The following NRXN3 variants were observed in gnomAD, a reference collection of about 807,000 sequenced individuals.
NRXN3 encodes the protein neurexin 3.
A neutral mutation model predicts 137.6 loss-of-function variants in NRXN3; 32 were observed. The ratio of observed to expected loss-of-function variants is 0.23; its 90% CI spans 0.18 to 0.31. The LOEUF is 0.31. NRXN3 is among the 10% of genes least tolerant of loss of function. The pLI is 1.00. For missense variants in NRXN3, 1,574 were observed against 2,062.5 expected (o/e 0.76, Z 4.59); for synonymous variants, 798 against 784.5 (o/e 1.02, Z -0.29).
At chr14:79,630,169 G>C (rs2098330264) in intron 16 of NRXN3, among the ~76,000 whole-genome samples, 1 of 152,178 alleles carries the variant, frequency 6.6e-6, no homozygotes, top group Non-Finnish European at 1.5e-5. Flanking sequence ...CACTGGAATA[G>C]CAATTTGACA....
At chr14:79,713,294 A>AAGTT (rs1466467303) in intron 19 of NRXN3, among the ~76,000 whole-genome samples, 2 of 148,880 alleles carry the variant, frequency 1.3e-5, no homozygotes, top group Admixed American at 1.3e-4. Flanking sequence ...TGCTTTTGTA[A>AAGTT]AGTTGTGGTT....
intron 15 of NRXN3, among the ~76,000 whole-genome samples, chr14:79,270,468 C>T (rs762784352): frequency 6.6e-5 from 10 of 151,858 alleles, no homozygotes; most frequent in African/African-American, 1.7e-4. Context: ...AAAGAGTTTT[C>T]GGAGGCTAGG....
intron 16 of NRXN3, among the ~76,000 whole-genome samples, chr14:79,598,388 G>A (rs913499560): frequency 6.6e-5 from 10 of 152,170 alleles, no homozygotes; most frequent in African/African-American, 2.4e-4. Context: ...CCTGACAGAA[G>A]ATAACCTGTT....
At chr14:79,072,848 G>A (rs1386707133) in intron 15 of NRXN3, among the ~76,000 whole-genome samples, 1 of 147,546 alleles carries the variant, frequency 6.8e-6, no homozygotes, top group Non-Finnish European at 1.5e-5. Flanking sequence ...TCCCTCCCTT[G>A]TTTTTCCATG....
At chr14:78,225,816 A>G (rs1043562398) in intron 1 of NRXN3, among the ~76,000 whole-genome samples, 4 of 152,090 alleles carry the variant, frequency 2.6e-5, no homozygotes, top group Non-Finnish European at 5.9e-5. Context: ...TAGCAAAACC[A>G]TTCATTCTTT....
chr14:79,844,216 A>G (rs982627011), intron 20 of NRXN3, among the ~76,000 whole-genome samples: 3 of 151,708 alleles, frequency 2.0e-5, no homozygotes, highest in Non-Finnish European at 2.9e-5. Flanking sequence ...CCATATCTTC[A>G]GTTACTTCCT....
intron 3 of NRXN3, among the ~76,000 whole-genome samples, chr14:78,290,614 G>T (rs531718796): frequency 6.6e-6 from 1 of 152,224 alleles, no homozygotes; most frequent in South Asian, 2.1e-4. Flanking sequence ...ACTCTAGCCT[G>T]GGCAACAGAG....
At chr14:79,716,668 A>C (rs923584107) in intron 19 of NRXN3, among the ~76,000 whole-genome samples, 21 of 152,160 alleles carry the variant, frequency 1.4e-4, no homozygotes, top group Non-Finnish European at 2.6e-4. Context: ...AAAACGCTGA[A>C]CCAGAAGCTG....
intron 10 of NRXN3, among the ~76,000 whole-genome samples, chr14:78,882,534 A>G (rs2099132139): frequency 6.6e-6 from 1 of 151,774 alleles, no homozygotes; most frequent in African/African-American, 2.4e-5. Flanking sequence ...TTAAGGTTTA[A>G]TGACTGCCCT....
intron 19 of NRXN3, among the ~76,000 whole-genome samples, chr14:79,780,545 C>T (rs931531261): frequency 6.6e-6 from 1 of 152,044 alleles, no homozygotes; most frequent in African/African-American, 2.4e-5. Flanking sequence ...GGAGGCGGAG[C>T]TTGCAGTGAG....
At chr14:79,611,680 A>T (rs532443113) in intron 16 of NRXN3, 8 of 152,368 alleles carry the variant, frequency 5.3e-5, no homozygotes, top group African/African-American at 1.9e-4. Context: ...AGCAAGCCAG[A>T]TAGCACCAAT....
chr14:78,541,372 A>C (rs753225592), intron 4 of NRXN3, among the ~76,000 whole-genome samples: 18 of 152,068 alleles, frequency 1.2e-4, no homozygotes, highest in Non-Finnish European at 2.2e-4. Context: ...TTTGATCTTC[A>C]ATCACTGATA....
chr14:78,759,484 A>C (rs897019773), intron 8 of NRXN3, among the ~76,000 whole-genome samples: 2 of 152,216 alleles, frequency 1.3e-5, no homozygotes, highest in Non-Finnish European at 2.9e-5. Flanking sequence ...TATTTTGATT[A>C]CATAAATATA....
At chr14:79,809,316 T>C (rs973375958) in intron 20 of NRXN3, among the ~76,000 whole-genome samples, 1 of 152,218 alleles carries the variant, frequency 6.6e-6, no homozygotes. Context: ...CTTTTGTATT[T>C]TTGGTAGAGA....
intron 15 of NRXN3, among the ~76,000 whole-genome samples, chr14:79,299,644 A>G (rs537145259): frequency 6.6e-6 from 1 of 152,096 alleles, no homozygotes; most frequent in Admixed American, 6.6e-5. Flanking sequence ...TACCCAAAAA[A>G]CTTAGTAAAG....
At chr14:78,638,212 C>G (rs117056520) in intron 4 of NRXN3, among the ~76,000 whole-genome samples, 5 of 152,170 alleles carry the variant, frequency 3.3e-5, no homozygotes, top group African/African-American at 7.2e-5. Context: ...ATCTTTCCTA[C>G]GGAGAGTCTG....
chr14:79,527,350 C>T lies in NRXN3; in HGVS notation c.3444+59948C>T, dbSNP rs111794830. Among the ~76,000 whole-genome samples, 808 of 141,954 alleles carry T rather than the reference C, an allele frequency of 5.7e-3. 5 individuals are homozygous for T. Among genetic ancestry groups the T allele is most frequent in the African/African-American group, 0.02 (785 of 38,548 alleles). The allele number at this position is 141,954 out of a possible 152,430, so 93.1% of individuals were successfully genotyped here. A position where few individuals can be genotyped will look rare whatever the true frequency, so the allele number is the denominator to read the frequency against. On this transcript the variant is annotated intron_variant, in intron 16 of 20. Coordinates refer to ENST00000335750, the MANE Select transcript of NRXN3 (RefSeq NM_001330195.2). ...TAGGATTTAAGGAAGAGTAGTGTGG[C>T]GGGTTAGAGATGGTGGTTAGAAGAG...
At chr14:79,415,369 C>A (rs940475521) in intron 15 of NRXN3, among the ~76,000 whole-genome samples, 3 of 152,052 alleles carry the variant, frequency 2.0e-5, no homozygotes, top group African/African-American at 7.2e-5. Flanking sequence ...ATTCCCTAAA[C>A]GATACAGTGT....
At chr14:78,187,553 A>G (rs1004154755) in intron 1 of NRXN3, among the ~76,000 whole-genome samples, 1 of 152,122 alleles carries the variant, frequency 6.6e-6, no homozygotes, top group Admixed American at 6.5e-5. Context: ...TCCACACTCA[A>G]CACTTCACAT....
Sources: gnomAD v4.1 joint callset for allele counts (sites outside exome capture counted in the v4.1 genomes callset) on GRCh38, gnomAD v4.1.1 for gene constraint, MANE v1.5 for transcripts, NCBI Gene and HGNC (gene_info 2026-07-23, HGNC 2026-07-21) for gene names.